The following GABRB1 variants were observed in gnomAD, a reference collection of about 807,000 sequenced individuals.
The protein encoded by GABRB1 is gamma-aminobutyric acid receptor subunit beta-1.
GABRB1 carries 17 observed loss-of-function variants against 51.6 expected under a neutral mutation model. The ratio of observed to expected loss-of-function variants is 0.33; its 90% CI spans 0.23 to 0.49. The LOEUF (loss-of-function observed/expected upper bound fraction) is 0.49. Ranked by LOEUF, GABRB1 falls within the 20% of genes least tolerant of loss-of-function variation. The pLI is 0.99. For missense variants in GABRB1, 410 were observed against 600.6 expected, an observed-to-expected ratio of 0.68 and a Z score of 3.32; for synonymous variants, 247 against 218.9, an observed-to-expected ratio of 1.13 and a Z score of -1.14.
intron 3 of GABRB1, among the ~76,000 whole-genome samples, chr4:47,150,836 A>G (rs981775997): frequency 1.3e-5 from 2 of 152,012 alleles, no homozygotes; most frequent in Non-Finnish European, 2.9e-5. Flanking sequence ...ATTAAAAAGT[A>G]TTATATATAA....
At chr4:47,331,808 C>T (rs187403940) in intron 5 of GABRB1, among the ~76,000 whole-genome samples, 1 of 152,270 alleles carries the variant, frequency 6.6e-6, no homozygotes, top group African/African-American at 2.4e-5. Flanking sequence ...ACTGATTTCT[C>T]TCACAAGAAG....
chr4:47,376,611 C>G (rs572887287), intron 5 of GABRB1, among the ~76,000 whole-genome samples: 170 of 152,318 alleles, frequency 1.1e-3, no homozygotes, highest in Non-Finnish European at 1.5e-3. Context: ...CGCACCACTG[C>G]ACTCCAGCCT....
At chr4:47,237,460 G>A (rs145019988) in intron 4 of GABRB1, among the ~76,000 whole-genome samples, 1 of 152,098 alleles carries the variant, frequency 6.6e-6, no homozygotes, top group East Asian at 1.9e-4. Context: ...ACAGAACTAT[G>A]GATAAGGTCT....
intron 4 of GABRB1, among the ~76,000 whole-genome samples, chr4:47,169,319 C>T (rs1718343045): frequency 2.6e-5 from 4 of 152,134 alleles, no homozygotes; most frequent in Admixed American, 2.0e-4. Flanking sequence ...TTGACTGCTT[C>T]CTCTTATTTA....
chr4:47,173,045 A>G (rs920297955), intron 4 of GABRB1, among the ~76,000 whole-genome samples: 1 of 152,162 alleles, frequency 6.6e-6, no homozygotes, highest in Non-Finnish European at 1.5e-5. Flanking sequence ...TTCTATTTGC[A>G]AAGTAGTGGT....
At chr4:47,375,097 A>G (rs886814368) in intron 5 of GABRB1, among the ~76,000 whole-genome samples, 2 of 152,238 alleles carry the variant, frequency 1.3e-5, no homozygotes, top group African/African-American at 4.8e-5. Context: ...TCTTGAACCT[A>G]GGGGCATTAT....
At chr4:47,388,151 A>T (rs141345236) in intron 5 of GABRB1, among the ~76,000 whole-genome samples, 239 of 152,364 alleles carry the variant, frequency 1.6e-3, no homozygotes, top group African/African-American at 5.4e-3. Flanking sequence ...TAAAATTAGT[A>T]TAACATGTTA....
intron 4 of GABRB1, among the ~76,000 whole-genome samples, chr4:47,196,019 T>TACATCTTA (rs1037185486): frequency 6.6e-6 from 1 of 152,214 alleles, no homozygotes; most frequent in African/African-American, 2.4e-5. Context: ...CCATATGTAG[T>TACATCTTA]AGTACTGAAC....
intron 2 of GABRB1, 84 bp downstream of exon 2, chr4:47,032,089 A>AG: frequency 3.2e-6 from 3 of 924,824 alleles, no homozygotes; most frequent in South Asian, 2.9e-5. Flanking sequence ...AAAAAAAAGA[A>AG]AAGGCATGTC....
intron 4 of GABRB1, among the ~76,000 whole-genome samples, chr4:47,295,735 T>G (rs1257580566): frequency 2.0e-5 from 3 of 151,980 alleles, no homozygotes; most frequent in Non-Finnish European, 2.9e-5. Flanking sequence ...AGGCCAACAT[T>G]CAGATTCAGG....
intron 4 of GABRB1, among the ~76,000 whole-genome samples, chr4:47,188,405 T>C (rs1297157335): frequency 2.0e-5 from 3 of 152,058 alleles, no homozygotes; most frequent in East Asian, 3.9e-4. Context: ...CACCCATATA[T>C]GTTTTGGGTT....
chr4:47,416,916 G>A (rs1161415008), intron 8 of GABRB1, among the ~76,000 whole-genome samples: 4 of 152,088 alleles, frequency 2.6e-5, no homozygotes, highest in African/African-American at 9.7e-5. Flanking sequence ...GAAAGAACAA[G>A]GCATGGAATA....
chr4:47,009,101 T>C (rs1185343594), intron 1 of GABRB1, among the ~76,000 whole-genome samples: 2 of 149,510 alleles, frequency 1.3e-5, no homozygotes, highest in East Asian at 2.0e-4. Flanking sequence ...CCTGACCTCA[T>C]GATCCACCCA....
At chr4:47,425,516 A>AGATAGATAGATAGATAGATCGATC (rs557382638) in intron 8 of GABRB1, among the ~76,000 whole-genome samples, 158 bp from the exon 9 acceptor site, 2 of 149,550 alleles carry the variant, frequency 1.3e-5, no homozygotes, top group East Asian at 3.9e-4. Flanking sequence ...ATAGATAGAT[A>AGATAGATAGATAGATAGATCGATC]GATCGATCGA....
chr4:47,354,172 C>A (rs1726465782), intron 5 of GABRB1, among the ~76,000 whole-genome samples: 1 of 152,166 alleles, frequency 6.6e-6, no homozygotes, highest in Non-Finnish European at 1.5e-5. Flanking sequence ...CAGGGGGCAG[C>A]CCTCAACATG....
chr4:47,177,746 T>A (rs1718759771), intron 4 of GABRB1, among the ~76,000 whole-genome samples: 1 of 151,960 alleles, frequency 6.6e-6, no homozygotes, highest in Non-Finnish European at 1.5e-5. Flanking sequence ...TCCTCACTTA[T>A]AAAGTGGCTG....
At chr4:47,137,709 TCTTA>T in intron 3 of GABRB1, among the ~76,000 whole-genome samples, 1 of 152,100 alleles carries the variant, frequency 6.6e-6, no homozygotes, top group Non-Finnish European at 1.5e-5. Context: ...TATCAACTCT[TCTTA>T]CTTAATGACA....
At chr4:47,136,595 G>A (rs1438285246) in intron 3 of GABRB1, among the ~76,000 whole-genome samples, 47 of 151,982 alleles carry the variant, frequency 3.1e-4, no homozygotes, top group Non-Finnish European at 8.8e-5. Context: ...GACCATAGTA[G>A]TTTAGCTGAA....
intron 8 of GABRB1, among the ~76,000 whole-genome samples, chr4:47,425,379 A>C (rs942198640): frequency 8.7e-6 from 1 of 115,160 alleles, no homozygotes; most frequent in African/African-American, 3.0e-5. Flanking sequence ...AAGAAATACC[A>C]CACACACACA....
Sources: allele counts gnomAD v4.1 joint callset (sites outside exome capture counted in the v4.1 genomes callset), GRCh38; gene constraint gnomAD v4.1.1; transcripts MANE v1.5; gene names NCBI Gene and HGNC (gene_info 2026-07-23, HGNC 2026-07-21).